MAPRE3: variants seen among roughly 807,000 people sequenced by gnomAD.
The protein encoded by MAPRE3 is microtubule-associated protein RP/EB family member 3.
A neutral mutation model predicts 30.5 loss-of-function variants in MAPRE3; 2 were observed. The ratio of observed to expected loss-of-function variants is 0.07; its 90% CI spans 0.03 to 0.21. The LOEUF is 0.21. MAPRE3 is among the 10% of genes least tolerant of loss of function. The pLI is 1.00. For synonymous variants in MAPRE3, 110 were observed against 127.7 expected, an observed-to-expected ratio of 0.86 and a Z score of 0.93; for missense variants, 204 against 351.8, an observed-to-expected ratio of 0.58 and a Z score of 3.36.
At chr2:26,990,674 CT>C (rs1236354628) in intron 1 of MAPRE3, among the ~76,000 whole-genome samples, 2 of 152,144 alleles carry the variant, frequency 1.3e-5, no homozygotes, top group South Asian at 2.1e-4. Flanking sequence ...TAACAGGAAA[CT>C]TTTAAATTTT....
intron 1 of MAPRE3, among the ~76,000 whole-genome samples, chr2:27,020,463 ATG>A (rs1667086643): frequency 6.6e-6 from 1 of 152,186 alleles, no homozygotes; most frequent in South Asian, 2.1e-4. Context: ...TCTGATAAAG[ATG>A]TGGTTACAAG....
At chr2:26,972,969 A>G (rs1665943568) in intron 1 of MAPRE3, among the ~76,000 whole-genome samples, 2 of 152,238 alleles carry the variant, frequency 1.3e-5, no homozygotes, top group Admixed American at 1.3e-4. Flanking sequence ...TGTAATTGTT[A>G]AGATCAAGGA....
intron 1 of MAPRE3, among the ~76,000 whole-genome samples, chr2:26,988,323 T>C (rs1211549070): frequency 6.6e-6 from 1 of 152,264 alleles, no homozygotes; most frequent in Admixed American, 6.5e-5. Context: ...GCTTGTTTTT[T>C]TTCAACTTGT....
At chr2:26,982,434 T>C (rs547243892) in intron 1 of MAPRE3, among the ~76,000 whole-genome samples, 80 of 152,332 alleles carry the variant, frequency 5.3e-4, no homozygotes, top group African/African-American at 1.9e-3. Flanking sequence ...ACACTGACAT[T>C]ACCTTGCCTG....
At chr2:26,983,938 C>T (rs1666167318) in intron 1 of MAPRE3, among the ~76,000 whole-genome samples, 1 of 152,186 alleles carries the variant, frequency 6.6e-6, no homozygotes. Context: ...GCAGCTGCCC[C>T]TCACCCCGTC....
rs534681676 is a variant in MAPRE3 at position 26,986,320 on chromosome 2, C to T, written c.-8+15518C>T. Among the ~76,000 whole-genome samples the T allele has an allele frequency of 1.4e-4, 22 of 152,272 alleles. 1 individual carries two copies. The East Asian group carries it at 3.9e-3, about 27-fold the overall frequency. ...AACCTTAATCACATCTGCAAAGTCC[C>T]TTTTGCCATTTAAGATGACATATTT... On this transcript the variant is annotated intron_variant, in intron 1 of 6. Coordinates refer to ENST00000233121, the MANE Select transcript of MAPRE3 (RefSeq NM_012326.4). The surrounding 1 kb of genome is among the most constrained non-coding windows in gnomAD (Gnocchi z 4.2).
At chr2:26,980,332 AAGT>A (rs1291108405) in intron 1 of MAPRE3, among the ~76,000 whole-genome samples, 1 of 152,226 alleles carries the variant, frequency 6.6e-6, no homozygotes, top group Non-Finnish European at 1.5e-5. Context: ...GAGGGAAAGA[AAGT>A]AGTAACCAGA....
chr2:26,973,176 G>A (rs973954789), intron 1 of MAPRE3, among the ~76,000 whole-genome samples: 2 of 152,172 alleles, frequency 1.3e-5, no homozygotes, highest in Non-Finnish European at 2.9e-5. Context: ...AAACCCTCGG[G>A]AAATGGCAAG....
At chr2:27,004,969 T>C (rs534759112) in intron 1 of MAPRE3, among the ~76,000 whole-genome samples, 9 of 152,244 alleles carry the variant, frequency 5.9e-5, no homozygotes, top group African/African-American at 2.2e-4. Context: ...TCTCCCTCAC[T>C]AGTAATCAAA....
rs763967601 is a variant in MAPRE3, at chr2:27,025,648, G to C, written c.535G>C (p.Ala179Pro). The C allele has an allele frequency of 3.7e-6, 6 of 1,609,076 alleles. No individual in the cohort carries two copies. The highest frequency in any genetic ancestry group is 4.2e-6 in the Non-Finnish European group (5 of 1,177,630). ...MQTSGRLSNV[A>P]PPCILRKNPP... The stretch of plus-strand genomic sequence containing the variant: ...GACCTCTGGCCGGCTGAGCAATGTG[G>C]CCCCCCCCTGCATTCTCCGGAAGAA... The change falls in exon 5 of 7, where the codon GCC becomes CCC. Residue 179 changes from alanine (A) to proline (P), a missense_variant. This residue lies in a region of MAPRE3 where 32 missense variants were observed against 20.7 expected (regional missense o/e 1.55). Transcript: ENST00000233121.
At chr2:26,975,529 G>A (rs1665998055) in intron 1 of MAPRE3, among the ~76,000 whole-genome samples, 1 of 152,012 alleles carries the variant, frequency 6.6e-6, no homozygotes. Context: ...TTTCAGTAGG[G>A]AAGGAAATAC....
intron 3 of MAPRE3, chr2:27,023,782 G>A: frequency 2.0e-6 from 1 of 506,284 alleles, no homozygotes; most frequent in South Asian, 2.1e-5. Context: ...TAGGGCCCAA[G>A]AAAGTGTCTC....
chr2:26,987,210 G>A (rs1460329524), intron 1 of MAPRE3, among the ~76,000 whole-genome samples: 1 of 152,170 alleles, frequency 6.6e-6, no homozygotes, highest in Non-Finnish European at 1.5e-5. Context: ...GGATGAAAAA[G>A]CATTAATTAT....
At position 26,986,818 on chromosome 2, in the gene MAPRE3, G is replaced by C. The variant is rs543083168; in HGVS notation, c.-8+16016G>C. The stretch of plus-strand genomic sequence containing the variant: ...ATCACAGCAGTAGACATGGTATGGG[G>C]ATTAGAGGTAATGGGGCATGCTTGT... On this transcript the variant is annotated intron_variant, in intron 1 of 6. Coordinates refer to ENST00000233121, the MANE Select transcript of MAPRE3 (RefSeq NM_012326.4). The surrounding 1 kb of genome is among the most constrained non-coding windows in gnomAD (Gnocchi z 4.2). The C allele has an allele frequency of 1.3e-5, 2 of 152,424 alleles. No individual in the cohort carries two copies. The highest frequency in any genetic ancestry group is 4.1e-4 in the South Asian group (2 of 4,820). The allele number at this position is 152,424 out of a possible 1,614,324, so 9.4% of individuals were successfully genotyped here.
chr2:26,974,177 C>T (rs1665970134), intron 1 of MAPRE3, among the ~76,000 whole-genome samples: 1 of 152,180 alleles, frequency 6.6e-6, no homozygotes, highest in Admixed American at 6.5e-5. Flanking sequence ...TATTCTTCAA[C>T]ACCACATTGC....
chr2:26,982,521 G>A (rs955752972), intron 1 of MAPRE3, among the ~76,000 whole-genome samples: 5 of 152,208 alleles, frequency 3.3e-5, no homozygotes, highest in Non-Finnish European at 5.9e-5. Flanking sequence ...TACCAGGAAG[G>A]AACAAACAGC....
chr2:27,022,092 G>T (rs982683381), intron 1 of MAPRE3, 120 bp from the exon 2 acceptor site: 9 of 1,178,432 alleles, frequency 7.6e-6, no homozygotes, highest in South Asian at 1.5e-5. Context: ...GGGATAAACT[G>T]CGAGGCCAAT....
Position 26,970,720 on chromosome 2 carries a change from CGGCCGGAGCCGCA to C in MAPRE3, c.-88_-76del, listed in dbSNP as rs1397590734. On this transcript the variant is annotated 5_prime_UTR_variant, in exon 1 of 7. Coordinates refer to ENST00000233121, the MANE Select transcript of MAPRE3 (RefSeq NM_012326.4). ...CGAGGACCCTCCGCCCCGGAGCCGC[CGGCCGGAGCCGCA>C]GCCTCTGCCGCAGCGCCCCCGCCAC... is the stretch of plus-strand genomic sequence containing the variant. 3.3e-5 allele frequency: 5 copies of C among 152,792 alleles called. No homozygotes were observed. The highest frequency in any genetic ancestry group is 3.3e-4 in the Admixed American group (5 of 15,290). 9.5% of individuals were successfully genotyped at this position (152,792 alleles called of 1,614,324 possible).
intron 1 of MAPRE3, among the ~76,000 whole-genome samples, chr2:26,973,451 C>T (rs1029362176): frequency 1.3e-5 from 2 of 152,202 alleles, no homozygotes; most frequent in Non-Finnish European, 2.9e-5. Flanking sequence ...GTGGTACTCT[C>T]CAGAAACTGA....
Sources: allele counts gnomAD v4.1 joint callset (sites outside exome capture counted in the v4.1 genomes callset), GRCh38; gene constraint gnomAD v4.1.1; regional missense constraint gnomAD v4.1.1; non-coding constraint Gnocchi (gnomAD v3.1); transcripts MANE v1.5; gene names NCBI Gene and HGNC (gene_info 2026-07-23, HGNC 2026-07-21).